ADGRL2: variants seen among roughly 807,000 people sequenced by gnomAD.
ADGRL2 encodes the protein adhesion G protein-coupled receptor L2.
Under a neutral mutation model 157.4 loss-of-function variants are expected in ADGRL2, and 44 were observed. That is an observed-to-expected ratio of 0.28 (90% confidence interval 0.22 to 0.36). ADGRL2 has a LOEUF of 0.36. ADGRL2 is among the 10% of genes least tolerant of loss of function. The probability of loss-of-function intolerance (pLI) is 1.00; values close to 1 mark genes in which losing one functional copy is unlikely to be tolerated. For synonymous variants in ADGRL2, 585 were observed against 624.7 expected (o/e 0.94, Z 0.95); for missense variants, 1,510 against 1,768.9 (o/e 0.85, Z 2.63).
intron 2 of ADGRL2, among the ~76,000 whole-genome samples, chr1:81,862,640 G>A (rs181793716): frequency 2.4e-4 from 37 of 152,270 alleles, no homozygotes; most frequent in Non-Finnish European, 4.9e-4. Flanking sequence ...ACATGAGTAA[G>A]CCATTTTTTT....
rs2081314921 is a variant in ADGRL2, at chr1:81,600,547, T to C, written c.-143+19567T>C. 2.0e-5 allele frequency among the ~76,000 whole-genome samples: 3 copies of C among 152,322 alleles called. No individual in the cohort carries two copies. The South Asian group carries it at 6.2e-4, about 32-fold the overall frequency. On this transcript the variant is annotated intron_variant, in intron 3 of 24. Coordinates refer to the ADGRL2 transcript ENST00000370721. ...ACCAGCAGCAGGGCAAATTGCTGCC[T>C]GATTTGCAGTTCTGCACTCTATCAG...
At chr1:81,427,891 G>C (rs1486518377) in intron 1 of ADGRL2, among the ~76,000 whole-genome samples, 5 of 152,172 alleles carry the variant, frequency 3.3e-5, no homozygotes, top group Non-Finnish European at 7.3e-5. Context: ...ATCTGTGGTA[G>C]CTTTTTCTTC....
At chr1:81,443,099 C>G (rs1029877386) in intron 1 of ADGRL2, among the ~76,000 whole-genome samples, 1 of 151,924 alleles carries the variant, frequency 6.6e-6, no homozygotes, top group Non-Finnish European at 1.5e-5. Flanking sequence ...AATGATTAGC[C>G]CATCTGGGAA....
chr1:81,311,012 C>T (rs1164469904), intron 1 of ADGRL2, among the ~76,000 whole-genome samples: 2 of 152,090 alleles, frequency 1.3e-5, no homozygotes, highest in African/African-American at 4.8e-5. Context: ...AGCTCCCTAT[C>T]TAAAAAGATG....
chr1:81,510,600 G>C lies in ADGRL2; in HGVS notation c.-248+65511G>C, dbSNP rs567853743. 2.4e-4 allele frequency among the ~76,000 whole-genome samples: 37 copies of C among 152,042 alleles called. 1 individual carries two copies. The South Asian group carries it at 6.0e-3, about 25-fold the overall frequency. On this transcript the variant is annotated intron_variant, in intron 2 of 24. Coordinates refer to the ADGRL2 transcript ENST00000370721. The stretch of plus-strand genomic sequence containing the variant: ...GAAGATATGCATTGGCGATAATATT[G>C]ATTTAAAAAAAAATCTGCTGAAAGG...
intron 1 of ADGRL2, among the ~76,000 whole-genome samples, chr1:81,444,384 T>A (rs774242046): frequency 8.5e-5 from 13 of 152,134 alleles, no homozygotes; most frequent in Non-Finnish European, 1.6e-4. Flanking sequence ...CCCTGAGCCA[T>A]TTTATGTTTT....
intron 17 of ADGRL2, among the ~76,000 whole-genome samples, chr1:81,975,799 C>T (rs1660049265): frequency 6.6e-6 from 1 of 151,898 alleles, no homozygotes; most frequent in Non-Finnish European, 1.5e-5. Context: ...AGATTTTTAT[C>T]AAAGATGTGT....
chr1:81,791,936 C>A lies in ADGRL2; in HGVS notation c.-101+30084C>A, dbSNP rs534419021. 2.6e-5 allele frequency among the ~76,000 whole-genome samples: 4 copies of A among 152,110 alleles called. No individual in the cohort carries two copies. In the South Asian group the frequency reaches 6.2e-4, roughly 24 times the overall value. ...ATAGTTAAAATTTCAGAATGCCATGCGTATTAAGCATAGTCTATAAATCCT... is the reference window on the plus strand; with the variant it reads ...ATAGTTAAAATTTCAGAATGCCATGAGTATTAAGCATAGTCTATAAATCCT... On this transcript the variant is annotated intron_variant, in intron 2 of 20. Transcript: ENST00000359929.
At chr1:81,514,484 C>A (rs975200209) in intron 2 of ADGRL2, 3 of 152,120 alleles carry the variant, frequency 2.0e-5, no homozygotes, top group African/African-American at 7.2e-5. Flanking sequence ...AAATGGCTAT[C>A]CCATTTCTAA....
chr1:81,411,094 A>G (rs533075885), intron 1 of ADGRL2, among the ~76,000 whole-genome samples: 1 of 152,312 alleles, frequency 6.6e-6, no homozygotes, highest in African/African-American at 2.4e-5. Context: ...TGATTGGAGG[A>G]GTAATTCAAA....
chr1:81,910,204 A>G (rs549921941), intron 3 of ADGRL2, among the ~76,000 whole-genome samples: 1 of 151,460 alleles, frequency 6.6e-6, no homozygotes, highest in Admixed American at 6.6e-5. Context: ...ACGCCACTGA[A>G]CTCCAACCTG....
intron 3 of ADGRL2, among the ~76,000 whole-genome samples, chr1:81,636,504 T>C (rs935204308): frequency 7.2e-5 from 11 of 152,074 alleles, no homozygotes; most frequent in Admixed American, 1.3e-4. Flanking sequence ...CATACTCTAA[T>C]TGGAAAAGGG....
intron 2 of ADGRL2, chr1:81,506,015 G>A (rs1490331433): frequency 5.6e-6 from 1 of 179,154 alleles, no homozygotes; most frequent in East Asian, 1.5e-4. Context: ...TTCTTGAAGA[G>A]ACAGACTGGT....
intron 1 of ADGRL2, among the ~76,000 whole-genome samples, chr1:81,332,640 A>G (rs1006672178): frequency 1.3e-5 from 2 of 152,312 alleles, no homozygotes; most frequent in South Asian, 4.1e-4. Flanking sequence ...GTTGAAATGT[A>G]CCCAAAATAT....
In ADGRL2 at chr1:81,445,873, A is replaced by G. The variant is rs949399736; in HGVS notation, c.-248+784A>G. On this transcript the variant is annotated intron_variant, in intron 2 of 24. Transcript: ENST00000370721. ...ATAGCATAAACAAATTAGTAGGTGTAAAATGCTTAAAATATTGCCTGGCAC... is the reference window on the plus strand; with the variant it reads ...ATAGCATAAACAAATTAGTAGGTGTGAAATGCTTAAAATATTGCCTGGCAC... 6.6e-5 allele frequency among the ~76,000 whole-genome samples: 10 copies of G among 152,216 alleles called. No individual in the cohort carries two copies. In the East Asian group the frequency reaches 1.9e-3, roughly 29 times the overall value.
At chr1:81,813,563 C>T (rs918796913) in intron 1 of ADGRL2, among the ~76,000 whole-genome samples, 1 of 151,572 alleles carries the variant, frequency 6.6e-6, no homozygotes, top group Non-Finnish European at 1.5e-5. Flanking sequence ...CACATTTATA[C>T]AGAGCATTTT....
chr1:81,529,390 G>C (rs1168244221), intron 2 of ADGRL2, among the ~76,000 whole-genome samples: 1 of 152,326 alleles, frequency 6.6e-6, no homozygotes, highest in South Asian at 2.1e-4. Flanking sequence ...TGCTAGTAAC[G>C]GACTGCAGAA....
At chr1:81,624,143 C>T (rs888604061) in intron 3 of ADGRL2, among the ~76,000 whole-genome samples, 1 of 152,144 alleles carries the variant, frequency 6.6e-6, no homozygotes, top group South Asian at 2.1e-4. Context: ...ACACCGATAC[C>T]TGGATTTCAG....
chr1:81,851,616 A>G (rs1417856907), intron 2 of ADGRL2, among the ~76,000 whole-genome samples: 1 of 151,710 alleles, frequency 6.6e-6, no homozygotes, highest in Admixed American at 6.6e-5. Flanking sequence ...TTTGGTTCTT[A>G]ATGACTTTTG....
Sources: allele counts gnomAD v4.1 joint callset (sites outside exome capture counted in the v4.1 genomes callset), GRCh38; gene constraint gnomAD v4.1.1; transcripts MANE v1.5; gene names NCBI Gene and HGNC (gene_info 2026-07-23, HGNC 2026-07-21).